ZNF385D: variants seen among roughly 807,000 people sequenced by gnomAD.
ZNF385D encodes zinc finger protein 659.
Under a neutral mutation model 35.8 loss-of-function variants are expected in ZNF385D, and 15 were observed. The ratio of observed to expected loss-of-function variants is 0.42; its 90% CI spans 0.28 to 0.64. ZNF385D has a LOEUF of 0.64. Among genes scored for constraint, ZNF385D ranks in the 30% least tolerant of loss-of-function variants. ZNF385D has a pLI of 0.23. For missense variants in ZNF385D, 474 were observed against 494.6 expected (o/e 0.96, Z 0.39); for synonymous variants, 212 against 186.8 (o/e 1.13, Z -1.10).
At chr3:22,345,244 A>G (rs1344287157) in intron 2 of ZNF385D, among the ~76,000 whole-genome samples, 2 of 152,092 alleles carry the variant, frequency 1.3e-5, no homozygotes, top group Non-Finnish European at 2.9e-5. Flanking sequence ...TGTCCAGGTA[A>G]CTCTACTAGT....
chr3:22,012,773 G>A (rs367731294), intron 3 of ZNF385D, among the ~76,000 whole-genome samples: 5 of 152,074 alleles, frequency 3.3e-5, no homozygotes, highest in African/African-American at 1.2e-4. Flanking sequence ...TTCTCCATAA[G>A]CTGCTTAGCA....
At chr3:21,939,894 T>G (rs2125270377) in intron 3 of ZNF385D, among the ~76,000 whole-genome samples, 2 of 152,240 alleles carry the variant, frequency 1.3e-5, no homozygotes, top group East Asian at 3.9e-4. Flanking sequence ...CTGAGTAAAC[T>G]CATTTGGCAA....
At chr3:21,733,792 CTTAT>C (rs1394960797) in intron 1 of ZNF385D, among the ~76,000 whole-genome samples, 2 of 152,178 alleles carry the variant, frequency 1.3e-5, no homozygotes, top group East Asian at 1.9e-4. Context: ...ATCCACTTTA[CTTAT>C]TTGTCTAAAT....
intron 2 of ZNF385D, among the ~76,000 whole-genome samples, chr3:22,169,557 A>C (rs1706549689): frequency 6.6e-6 from 1 of 152,322 alleles, no homozygotes; most frequent in South Asian, 2.1e-4. Flanking sequence ...GGATGGACAC[A>C]TTCTACACAT....
At chr3:21,604,887 G>C (rs1358775193) in intron 2 of ZNF385D, among the ~76,000 whole-genome samples, 26 of 152,156 alleles carry the variant, frequency 1.7e-4, no homozygotes, top group Admixed American at 1.7e-3. Context: ...TTATTTATTT[G>C]GCTGTTTGTT....
intron 3 of ZNF385D, among the ~76,000 whole-genome samples, chr3:22,077,079 C>A (rs1031792906): frequency 2.6e-5 from 4 of 151,718 alleles, no homozygotes; most frequent in African/African-American, 9.7e-5. Flanking sequence ...CCCATAATAA[C>A]CATATTTAAG....
chr3:22,331,089 G>T (rs1384034733), intron 2 of ZNF385D, among the ~76,000 whole-genome samples: 2 of 152,330 alleles, frequency 1.3e-5, no homozygotes, highest in East Asian at 3.9e-4. Flanking sequence ...TTATTGACGT[G>T]TAAGTCCTCT....
At chr3:21,956,201 C>G (rs897462841) in intron 3 of ZNF385D, among the ~76,000 whole-genome samples, 5 of 146,918 alleles carry the variant, frequency 3.4e-5, no homozygotes, top group Non-Finnish European at 6.0e-5. Context: ...AACAAACAAA[C>G]AAAAAAAAGT....
intron 4 of ZNF385D, among the ~76,000 whole-genome samples, chr3:21,460,130 C>G (rs1405824914): frequency 6.6e-6 from 1 of 152,200 alleles, no homozygotes; most frequent in Non-Finnish European, 1.5e-5. Context: ...TCCAAAGACT[C>G]AGGCTTGACC....
intron 3 of ZNF385D, among the ~76,000 whole-genome samples, chr3:21,975,739 A>ATATATATATATATATATATATATG (rs1703571371): frequency 4.1e-5 from 2 of 48,392 alleles, no homozygotes; most frequent in Admixed American, 1.9e-4. Context: ...ATATATATAT[A>ATATATATATATATATATATATATG]TATATATATA....
chr3:22,297,541 C>T (rs1263947388), intron 2 of ZNF385D, among the ~76,000 whole-genome samples: 3 of 152,050 alleles, frequency 2.0e-5, no homozygotes, highest in African/African-American at 7.2e-5. Flanking sequence ...CGGAGGAGGA[C>T]TCTGCAGTGG....
At chr3:22,219,199 A>T (rs2125276655) in intron 2 of ZNF385D, among the ~76,000 whole-genome samples, 1 of 152,130 alleles carries the variant, frequency 6.6e-6, no homozygotes, top group South Asian at 2.1e-4. Context: ...TTCTTTGATT[A>T]TTTGTCACAA....
intron 3 of ZNF385D, among the ~76,000 whole-genome samples, chr3:22,046,774 C>T (rs1056811336): frequency 6.6e-6 from 1 of 152,030 alleles, no homozygotes; most frequent in Non-Finnish European, 1.5e-5. Context: ...ATATTATATA[C>T]TGGTCAACAA....
At chr3:21,526,570 G>C (rs1346685810) in intron 3 of ZNF385D, among the ~76,000 whole-genome samples, 2 of 152,116 alleles carry the variant, frequency 1.3e-5, no homozygotes, top group Non-Finnish European at 2.9e-5. Context: ...AAAAAATCTA[G>C]TGTCATGGAA....
chr3:22,060,869 C>T (rs1699653175), intron 3 of ZNF385D, among the ~76,000 whole-genome samples: 1 of 151,862 alleles, frequency 6.6e-6, no homozygotes, highest in African/African-American at 2.4e-5. Flanking sequence ...CTTCATTATT[C>T]AATTACCAGA....
intron 1 of ZNF385D, among the ~76,000 whole-genome samples, chr3:21,690,146 A>G (rs534177289): frequency 6.4e-4 from 98 of 152,292 alleles, no homozygotes; most frequent in African/African-American, 2.1e-3. Context: ...TGTTCTCACT[A>G]AATAAATATA....
chr3:22,110,821 A>C (rs563678927), intron 3 of ZNF385D, among the ~76,000 whole-genome samples: 1 of 152,030 alleles, frequency 6.6e-6, no homozygotes, highest in Admixed American at 6.6e-5. Context: ...CAAGGAAACT[A>C]TAAGTACAGT....
chr3:22,133,355 C>G (rs767701119), intron 3 of ZNF385D, among the ~76,000 whole-genome samples: 3 of 151,944 alleles, frequency 2.0e-5, no homozygotes, highest in Non-Finnish European at 4.4e-5. Context: ...CATAAACTCT[C>G]TATATCTCTA....
rs555794591 is a variant in ZNF385D, at chr3:21,636,231, A to AT, written c.165+28654dup. 8.8e-3 allele frequency among the ~76,000 whole-genome samples: 1,314 copies of AT among 149,022 alleles called. 25 individuals carry two copies. Among genetic ancestry groups the AT allele is most frequent in the African/African-American group, 0.031 (1,271 of 40,578 alleles). On this transcript the variant is annotated intron_variant, in intron 2 of 7. Transcript: ENST00000281523. Reference sequence around the variant, plus strand: ...CCACACCAACATCAATTATTTTTTGATTTTTTTTTATTATGGACATTCCTG... The same window carrying AT: ...CCACACCAACATCAATTATTTTTTGATTTTTTTTTTATTATGGACATTCCTG...
Sources: allele counts gnomAD v4.1 joint callset (sites outside exome capture counted in the v4.1 genomes callset), GRCh38; gene constraint gnomAD v4.1.1; transcripts MANE v1.5; gene names NCBI Gene and HGNC (gene_info 2026-07-23, HGNC 2026-07-21).